SNX18: variants seen among roughly 807,000 people sequenced by gnomAD.
The protein encoded by SNX18 is sorting nexin 18, also known as sorting nexin-18.
SNX18 carries 35 observed loss-of-function variants against 48.7 expected under a neutral mutation model. The observed-to-expected ratio is 0.72, with a 90% confidence interval of 0.55 to 0.95. SNX18 has a LOEUF of 0.95. SNX18 is among the 40% of genes least tolerant of loss of function. The pLI is 0.00. For missense variants in SNX18, 824 were observed against 871.0 expected (o/e 0.95, Z 0.68); for synonymous variants, 492 against 384.7 (o/e 1.28, Z -3.26).
chr5:54,610,725 G>A, the SNX18 span, among the ~76,000 whole-genome samples: 1 of 152,202 alleles, frequency 6.6e-6, no homozygotes, highest in Non-Finnish European at 1.5e-5. Context: ...TGGTCCCTGA[G>A]ATACTTTCAC....
At chr5:54,567,152 G>C in the SNX18 span, among the ~76,000 whole-genome samples, 164 of 152,160 alleles carry the variant, frequency 1.1e-3, 1 homozygote, top group African/African-American at 3.8e-3. Context: ...AGGTGACTTT[G>C]TCATTAAGGT....
Position 54,518,402 on chromosome 5 carries a change from C to G in SNX18, c.450C>G (p.Ser150Arg), listed in dbSNP as rs971709082. 6.3e-7 allele frequency: 1 copy of G among 1,584,792 alleles called. No individual in the cohort carries two copies. The highest frequency in any genetic ancestry group is 1.4e-5 in the African/African-American group (1 of 73,890). The change falls in exon 1 of 2, where the codon AGC becomes AGG. Residue 150 changes from serine (S) to arginine (R), a missense_variant. Coordinates refer to ENST00000381410, the MANE Select transcript of SNX18 (RefSeq NM_001102575.2). Reference protein sequence around the residue: ...LYGGYQASQGSDDDWDDEWDD... With the variant: ...LYGGYQASQGRDDDWDDEWDD... The stretch of plus-strand genomic sequence containing the variant: ...GCGGCTACCAGGCCAGCCAAGGCAG[C>G]GATGATGACTGGGACGACGAGTGGG...
chr5:54,530,443 G>A (rs548393949), intron 1 of SNX18, among the ~76,000 whole-genome samples: 2 of 152,254 alleles, frequency 1.3e-5, no homozygotes, highest in South Asian at 4.1e-4. Flanking sequence ...TGCATTATTT[G>A]CCTTAAGTTG....
At chr5:54,570,397 CAA>C in the SNX18 span, among the ~76,000 whole-genome samples, 1 of 152,144 alleles carries the variant, frequency 6.6e-6, no homozygotes, top group African/African-American at 2.4e-5. Flanking sequence ...AAGTTTGTGG[CAA>C]GTACTTTGTT....
the SNX18 span, among the ~76,000 whole-genome samples, chr5:54,568,673 C>T: frequency 2.0e-5 from 3 of 152,226 alleles, no homozygotes; most frequent in East Asian, 5.8e-4. Flanking sequence ...AGACTCAGCC[C>T]TCTGAGCCCT....
chr5:54,606,192 T>G, the SNX18 span, among the ~76,000 whole-genome samples: 1 of 152,246 alleles, frequency 6.6e-6, no homozygotes, highest in Non-Finnish European at 1.5e-5. Flanking sequence ...ATCCATCCAT[T>G]CATACATCTA....
At chr5:54,534,226 C>T (rs1762307624) in intron 1 of SNX18, among the ~76,000 whole-genome samples, 1 of 140,262 alleles carries the variant, frequency 7.1e-6, no homozygotes, top group Non-Finnish European at 1.5e-5. Flanking sequence ...AAATAAGGTG[C>T]TTTCTTTTTT....
At chr5:54,605,002 C>G in the SNX18 span, among the ~76,000 whole-genome samples, 3 of 152,248 alleles carry the variant, frequency 2.0e-5, no homozygotes, top group Admixed American at 6.5e-5. Context: ...AAGGTAGACA[C>G]AGGCTGGATA....
chr5:54,590,855 G>A, the SNX18 span, among the ~76,000 whole-genome samples: 2 of 152,114 alleles, frequency 1.3e-5, no homozygotes, highest in Admixed American at 1.3e-4. Flanking sequence ...AGGGCAGGAA[G>A]CATGGCATGG....
At chr5:54,551,680 C>T in the SNX18 span, among the ~76,000 whole-genome samples, 10 of 152,318 alleles carry the variant, frequency 6.6e-5, no homozygotes, top group East Asian at 1.9e-4. Flanking sequence ...TGAATGCAGT[C>T]ACCTGACTCC....
chr5:54,540,338 C>T (rs1762441610), intron 1 of SNX18, among the ~76,000 whole-genome samples: 1 of 152,088 alleles, frequency 6.6e-6, no homozygotes, highest in Non-Finnish European at 1.5e-5. Flanking sequence ...TCCTCAGCCT[C>T]CTGAGTAGCT....
At chr5:54,647,034 C>G in the SNX18 span, among the ~76,000 whole-genome samples, 420 of 152,300 alleles carry the variant, frequency 2.8e-3, 1 homozygote, top group African/African-American at 9.2e-3. Flanking sequence ...TGGAGATTAC[C>G]AACTTGGCTC....
chr5:54,534,254 G>A (rs912504783), intron 1 of SNX18, among the ~76,000 whole-genome samples: 2 of 144,598 alleles, frequency 1.4e-5, no homozygotes, highest in Non-Finnish European at 3.0e-5. Flanking sequence ...TTTTTTTTAA[G>A]GGAGAAAATG....
the SNX18 span, among the ~76,000 whole-genome samples, chr5:54,576,730 C>A: frequency 3.9e-5 from 6 of 152,334 alleles, no homozygotes; most frequent in South Asian, 2.1e-4. Flanking sequence ...GACACAGAAA[C>A]CTTGAAGGCC....
the SNX18 span, among the ~76,000 whole-genome samples, chr5:54,585,478 G>A: frequency 3.9e-5 from 6 of 152,190 alleles, no homozygotes; most frequent in African/African-American, 1.2e-4. Context: ...CAGAGGCCTG[G>A]TTCCAGCCTG....
Position 54,518,588 on chromosome 5 carries a change from G to A in SNX18, c.636G>A (p.Pro212=). The A allele has an allele frequency of 6.3e-7, 1 of 1,581,014 alleles. No individual in the cohort carries two copies. Among genetic ancestry groups the A allele is most frequent in the South Asian group, 1.2e-5 (1 of 86,080 alleles). ...SLGSRGGSVP[P]QHHPSGPKSS... ...GTTCCCGCGGCGGCTCGGTCCCCCCGCAGCACCACCCGTCGGGGCCCAAGA... is the reference window on the plus strand; with the variant it reads ...GTTCCCGCGGCGGCTCGGTCCCCCCACAGCACCACCCGTCGGGGCCCAAGA... The change falls in exon 1 of 2, where the codon CCG becomes CCA. Residue 212 remains proline, a synonymous_variant. Transcript: ENST00000381410.
Position 54,519,508 on chromosome 5 carries a change from T to A in SNX18, c.1556T>A (p.Met519Lys). Residue 519 changes from methionine to lysine, a missense_variant, in exon 1 of 2, where the codon ATG (methionine) becomes AAG (lysine). Transcript: ENST00000381410. ...EQPRQDLDPVMDLLALYQGHL... is the reference protein window; with the variant it reads ...EQPRQDLDPVKDLLALYQGHL... ...CCCAGGCAGGACCTGGATCCCGTCA[T>A]GGACCTATTAGCGCTGTATCAGGGG... The A allele has an allele frequency of 6.2e-7, 1 of 1,614,214 alleles. No individual in the cohort carries two copies. Among genetic ancestry groups the A allele is most frequent in the Non-Finnish European group, 8.5e-7 (1 of 1,180,032 alleles).
chr5:54,604,024 C>T, the SNX18 span, among the ~76,000 whole-genome samples: 3 of 152,126 alleles, frequency 2.0e-5, no homozygotes, highest in African/African-American at 7.2e-5. Context: ...TTTGAGTGTC[C>T]ATTATGTGCC....
chr5:54,586,556 C>T, the SNX18 span, among the ~76,000 whole-genome samples: 1 of 152,166 alleles, frequency 6.6e-6, no homozygotes, highest in South Asian at 2.1e-4. Context: ...GGAATATGAG[C>T]GTGCAAGACA....
Sources: allele counts gnomAD v4.1 joint callset (sites outside exome capture counted in the v4.1 genomes callset), GRCh38; gene constraint gnomAD v4.1.1; transcripts MANE v1.5; gene names NCBI Gene and HGNC (gene_info 2026-07-23, HGNC 2026-07-21).